TNRC6B: variants seen among roughly 807,000 people sequenced by gnomAD.
The protein encoded by TNRC6B is trinucleotide repeat containing adaptor 6B.
TNRC6B carries 52 observed loss-of-function variants against 203.6 expected under a neutral mutation model. The ratio of observed to expected loss-of-function variants is 0.26; its 90% CI spans 0.20 to 0.32. TNRC6B has a LOEUF of 0.32. TNRC6B is among the 10% of genes least tolerant of loss of function. TNRC6B has a pLI of 1.00. For synonymous variants in TNRC6B, 838 were observed against 845.7 expected, an observed-to-expected ratio of 0.99 and a Z score of 0.16; for missense variants, 1,923 against 2,286.2, an observed-to-expected ratio of 0.84 and a Z score of 3.24.
chr22:40,134,935 C>G (rs945953767), intron 3 of TNRC6B, among the ~76,000 whole-genome samples: 1 of 152,212 alleles, frequency 6.6e-6, no homozygotes, highest in Non-Finnish European at 1.5e-5. Flanking sequence ...CCTGGGCTCA[C>G]TAGGGCAGTT....
intron 1 of TNRC6B, among the ~76,000 whole-genome samples, chr22:40,243,471 G>A (rs1200584715): frequency 2.6e-5 from 4 of 152,186 alleles, no homozygotes; most frequent in Non-Finnish European, 5.9e-5. Context: ...TATTGAGCAT[G>A]AATTTCAATC....
At chr22:40,277,520 C>A (rs887196698) in intron 8 of TNRC6B, among the ~76,000 whole-genome samples, 1 of 152,224 alleles carries the variant, frequency 6.6e-6, no homozygotes, top group African/African-American at 2.4e-5. Flanking sequence ...GGACTAATTA[C>A]ATAGGGAATT....
intron 2 of TNRC6B, chr22:40,125,742 T>C: frequency 1.3e-6 from 2 of 1,542,320 alleles, no homozygotes; most frequent in Non-Finnish European, 1.7e-6. Flanking sequence ...CTGAATTCCT[T>C]ACATACTTTT....
At chr22:40,057,998 C>CT (rs1297919886) in intron 1 of TNRC6B, among the ~76,000 whole-genome samples, 1 of 151,642 alleles carries the variant, frequency 6.6e-6, no homozygotes, top group Non-Finnish European at 1.5e-5. Context: ...TGTCAACCTT[C>CT]TTTTTACTAT....
rs576561796 is a variant in TNRC6B at position 40,128,115 on chromosome 22, T to G, written c.45+2253T>G. On this transcript the variant is annotated intron_variant, in intron 3 of 23. Transcript: ENST00000301923. Reference sequence around the variant, plus strand: ...GAATAAGAGAACATTCTTTTTATACTTGCACTAAGTGGATGCTTCTGTTAT... The same window carrying G: ...GAATAAGAGAACATTCTTTTTATACGTGCACTAAGTGGATGCTTCTGTTAT... 2.0e-5 allele frequency among the ~76,000 whole-genome samples: 3 copies of G among 152,330 alleles called. No individual in the cohort carries two copies. In the South Asian group the frequency reaches 6.2e-4, roughly 32 times the overall value.
intron 1 of TNRC6B, among the ~76,000 whole-genome samples, chr22:40,213,787 T>C (rs1049132538): frequency 3.9e-5 from 6 of 152,102 alleles, no homozygotes; most frequent in Non-Finnish European, 8.8e-5. Context: ...TTGGGGGAAG[T>C]CTTTACTCAT....
chr22:40,051,552 C>T (rs1237232592), intron 1 of TNRC6B, among the ~76,000 whole-genome samples: 1 of 152,228 alleles, frequency 6.6e-6, no homozygotes, highest in Non-Finnish European at 1.5e-5. Context: ...ATTGCCCCCA[C>T]ACTGATCTTC....
At chr22:40,112,459 A>G (rs922412364) in intron 1 of TNRC6B, among the ~76,000 whole-genome samples, 2 of 152,068 alleles carry the variant, frequency 1.3e-5, no homozygotes, top group Non-Finnish European at 2.9e-5. Flanking sequence ...TGCCCATGAT[A>G]AGAAGGCTGG....
At chr22:40,097,666 TCATA>T (rs1408647536) in intron 1 of TNRC6B, among the ~76,000 whole-genome samples, 1 of 95,106 alleles carries the variant, frequency 1.1e-5, no homozygotes, top group Non-Finnish European at 2.1e-5. Context: ...TTCAGGTATA[TCATA>T]CACACACACA....
At chr22:40,279,235 T>C (rs1202432612) in intron 9 of TNRC6B, among the ~76,000 whole-genome samples, 1 of 152,196 alleles carries the variant, frequency 6.6e-6, no homozygotes, top group Non-Finnish European at 1.5e-5. Context: ...ATAGTAATGC[T>C]CTTGATCACC....
intron 1 of TNRC6B, among the ~76,000 whole-genome samples, chr22:40,211,833 A>T (rs762865027): frequency 1.1e-4 from 17 of 152,132 alleles, no homozygotes; most frequent in Admixed American, 2.0e-4. Context: ...GGGAGGGGGA[A>T]CCCTGTGCCC....
chr22:40,067,883 T>C (rs1308148613), intron 1 of TNRC6B, among the ~76,000 whole-genome samples: 2 of 152,082 alleles, frequency 1.3e-5, no homozygotes, highest in African/African-American at 2.4e-5. Context: ...AAGCAATGCT[T>C]CACCAGCCAT....
intron 4 of TNRC6B, among the ~76,000 whole-genome samples, chr22:40,165,959 G>GT (rs367788176): frequency 6.6e-6 from 1 of 151,764 alleles, no homozygotes; most frequent in Non-Finnish European, 1.5e-5. Flanking sequence ...TTATTGGGTG[G>GT]TTTTTTTTGT....
At chr22:40,155,082 T>C (rs1270193266) in intron 3 of TNRC6B, among the ~76,000 whole-genome samples, 1 of 151,450 alleles carries the variant, frequency 6.6e-6, no homozygotes, top group Non-Finnish European at 1.5e-5. Context: ...TATAGTATTC[T>C]ATTTTCTGAA....
intron 3 of TNRC6B, among the ~76,000 whole-genome samples, chr22:40,154,860 A>AAAAATATATAT (rs1555885936): frequency 8.5e-5 from 2 of 23,584 alleles, no homozygotes; most frequent in Non-Finnish European, 1.2e-4. Context: ...AAAAAAAAAA[A>AAAAATATATAT]ATATATATAT....
At chr22:40,134,866 A>G (rs893653675) in intron 3 of TNRC6B, among the ~76,000 whole-genome samples, 7 of 152,350 alleles carry the variant, frequency 4.6e-5, no homozygotes, top group East Asian at 1.9e-4. Context: ...TAAAGTTTTC[A>G]TATATTTTTA....
At chr22:40,146,118 C>T (rs959168352) in intron 3 of TNRC6B, among the ~76,000 whole-genome samples, 13 of 152,184 alleles carry the variant, frequency 8.5e-5, no homozygotes, top group African/African-American at 2.2e-4. Flanking sequence ...AAGGGAAAGT[C>T]GGCACATCCT....
intron 1 of TNRC6B, among the ~76,000 whole-genome samples, chr22:40,067,251 T>C (rs529396849): frequency 6.6e-6 from 1 of 152,292 alleles, no homozygotes; most frequent in South Asian, 2.1e-4. Flanking sequence ...GTACAGTTTA[T>C]AATGCCTTCG....
At position 40,221,751 on chromosome 22, in the gene TNRC6B, G is replaced by GCCCC. The variant is rs1239327384; in HGVS notation, c.6-24257_6-24254dup. On this transcript the variant is annotated intron_variant, in intron 1 of 22. Transcript: ENST00000454349. ...ACCACACCTGGCCCACCTTCTTATT[G>GCCCC]CCCCCCCCCCTTTTTTTTTTTTGAC... is the stretch of plus-strand genomic sequence containing the variant. 6.4e-3 allele frequency among the ~76,000 whole-genome samples: 715 copies of GCCCC among 112,550 alleles called. 8 individuals carry two copies. The highest frequency in any genetic ancestry group is 0.026 in the East Asian group (66 of 2,560). 73.8% of individuals were successfully genotyped at this position (112,550 alleles called of 152,430 possible).
Sources: allele counts gnomAD v4.1 joint callset (sites outside exome capture counted in the v4.1 genomes callset), GRCh38; gene constraint gnomAD v4.1.1; transcripts MANE v1.5; gene names NCBI Gene and HGNC (gene_info 2026-07-23, HGNC 2026-07-21).